Variants in CTNNA2 observed in about 807,000 individuals in gnomAD.
CTNNA2 encodes catenin alpha-2.
A neutral mutation model predicts 101.0 loss-of-function variants in CTNNA2; 42 were observed. The ratio of observed to expected loss-of-function variants is 0.42; its 90% CI spans 0.32 to 0.54. The LOEUF (loss-of-function observed/expected upper bound fraction) is 0.54. CTNNA2 is among the 20% of genes least tolerant of loss of function. The probability of loss-of-function intolerance (pLI) is 0.14; values close to 1 mark genes in which losing one functional copy is unlikely to be tolerated. For missense variants in CTNNA2, 871 were observed against 1,223.1 expected (o/e 0.71, Z 4.29); for synonymous variants, 450 against 456.4 (o/e 0.99, Z 0.18).
chr2:80,552,086 C>T (rs530470639), intron 11 of CTNNA2, among the ~76,000 whole-genome samples: 13 of 152,182 alleles, frequency 8.5e-5, no homozygotes, highest in Middle Eastern at 3.4e-3. Flanking sequence ...AGGCGGAACA[C>T]GCCCGACATT....
intron 2 of CTNNA2, among the ~76,000 whole-genome samples, chr2:79,730,516 T>C (rs1687131212): frequency 6.6e-6 from 1 of 152,018 alleles, no homozygotes; most frequent in African/African-American, 2.4e-5. Context: ...CTTTCAAGTA[T>C]AATTTTCTTC....
intron 2 of CTNNA2, among the ~76,000 whole-genome samples, chr2:79,253,073 G>GA (rs1186580210): frequency 6.6e-6 from 1 of 152,186 alleles, no homozygotes; most frequent in African/African-American, 2.4e-5. Context: ...CAGGTTCTGG[G>GA]AGTGTGGCTT....
At chr2:79,284,409 C>T (rs1234682786) in intron 2 of CTNNA2, among the ~76,000 whole-genome samples, 2 of 143,750 alleles carry the variant, frequency 1.4e-5, no homozygotes, top group African/African-American at 5.2e-5. Context: ...TCATAGATAG[C>T]TCTTATTATT....
intron 2 of CTNNA2, among the ~76,000 whole-genome samples, chr2:79,732,089 A>G (rs1687235278): frequency 6.6e-6 from 1 of 152,088 alleles, no homozygotes; most frequent in African/African-American, 2.4e-5. Flanking sequence ...AATTTACTAA[A>G]GCCATTAACT....
intron 3 of CTNNA2, among the ~76,000 whole-genome samples, chr2:79,357,933 A>G (rs1250331251): frequency 6.6e-6 from 1 of 152,156 alleles, no homozygotes; most frequent in Non-Finnish European, 1.5e-5. Flanking sequence ...CTTTGCTACA[A>G]TCCTAAATCT....
At chr2:79,950,686 A>C (rs1457734636) in intron 7 of CTNNA2, among the ~76,000 whole-genome samples, 7 of 152,218 alleles carry the variant, frequency 4.6e-5, no homozygotes, top group African/African-American at 1.7e-4. Context: ...TATTGAGCTT[A>C]CCAGATTTAT....
At chr2:79,294,314 C>T (rs1374795612) in intron 2 of CTNNA2, among the ~76,000 whole-genome samples, 1 of 151,944 alleles carries the variant, frequency 6.6e-6, no homozygotes, top group East Asian at 1.9e-4. Flanking sequence ...AGGGTGCTAG[C>T]TCTCTCTGGT....
At chr2:79,234,421 G>T (rs1558581864) in intron 2 of CTNNA2, among the ~76,000 whole-genome samples, 1 of 152,124 alleles carries the variant, frequency 6.6e-6, no homozygotes, top group Non-Finnish European at 1.5e-5. Context: ...GCCCGATGGG[G>T]CATTCTTTAT....
chr2:80,460,026 T>A (rs1423153602), intron 9 of CTNNA2, among the ~76,000 whole-genome samples: 1 of 152,190 alleles, frequency 6.6e-6, no homozygotes, highest in Non-Finnish European at 1.5e-5. Context: ...CCCTGACTTC[T>A]CAGATACTTA....
At chr2:80,178,658 C>A (rs1048946450) in intron 7 of CTNNA2, among the ~76,000 whole-genome samples, 2 of 152,108 alleles carry the variant, frequency 1.3e-5, no homozygotes, top group African/African-American at 4.8e-5. Flanking sequence ...TCAGGTCACT[C>A]GAAAAATGGG....
chr2:80,410,289 G>A (rs1451641254), intron 8 of CTNNA2, among the ~76,000 whole-genome samples: 1 of 152,194 alleles, frequency 6.6e-6, no homozygotes, highest in African/African-American at 2.4e-5. Context: ...TCACGACTGT[G>A]TGCTCCCACG....
chr2:80,137,069 G>A (rs1379634390), intron 7 of CTNNA2, among the ~76,000 whole-genome samples: 1 of 152,154 alleles, frequency 6.6e-6, no homozygotes, highest in East Asian at 1.9e-4. Flanking sequence ...AATTGCAACA[G>A]CTGTCAGAAA....
At chr2:79,721,651 A>C (rs184340986) in intron 2 of CTNNA2, among the ~76,000 whole-genome samples, 2 of 152,312 alleles carry the variant, frequency 1.3e-5, no homozygotes, top group East Asian at 1.9e-4. Flanking sequence ...TTATCCCTGA[A>C]TATCATCTAA....
rs557211958 is a variant in CTNNA2, at chr2:79,908,722, C to T, written c.853-872C>T. Among the ~76,000 whole-genome samples, 94 of 152,254 alleles carry T rather than the reference C, an allele frequency of 6.2e-4. 1 individual carries two copies. The highest frequency in any genetic ancestry group is 1.2e-3 in the Admixed American group (19 of 15,292). On this transcript the variant is annotated intron_variant, in intron 6 of 18. Transcript: ENST00000402739. ...CTTCTGTATAGGGGTCTTCTCTGGC[C>T]TGCTCTTCTGGCTCTATTCACTTTA... is the stretch of plus-strand genomic sequence containing the variant.
At chr2:80,309,054 A>C (rs966549880) in intron 7 of CTNNA2, among the ~76,000 whole-genome samples, 2 of 152,084 alleles carry the variant, frequency 1.3e-5, no homozygotes, top group African/African-American at 4.8e-5. Context: ...ACGCCACTGC[A>C]TTCCAGCCTG....
At chr2:79,320,319 G>A (rs960063446) in intron 3 of CTNNA2, among the ~76,000 whole-genome samples, 1 of 139,110 alleles carries the variant, frequency 7.2e-6, no homozygotes, top group Non-Finnish European at 1.5e-5. Flanking sequence ...GTTTCAGAAA[G>A]TGGAGGACTT....
chr2:80,260,213 A>C (rs1672501547), intron 7 of CTNNA2, among the ~76,000 whole-genome samples: 1 of 152,194 alleles, frequency 6.6e-6, no homozygotes, highest in South Asian at 2.1e-4. Flanking sequence ...TCATTGCTAC[A>C]TCCTCAGTAA....
At chr2:79,527,157 A>G (rs1212306518) in intron 1 of CTNNA2, among the ~76,000 whole-genome samples, 1 of 152,158 alleles carries the variant, frequency 6.6e-6, no homozygotes, top group Non-Finnish European at 1.5e-5. Flanking sequence ...AAGAATGATT[A>G]CAGCTTAATA....
chr2:79,673,245 G>C (rs2104595600), intron 2 of CTNNA2, among the ~76,000 whole-genome samples: 1 of 152,082 alleles, frequency 6.6e-6, no homozygotes, highest in East Asian at 1.9e-4. Context: ...TGACTTTATA[G>C]AGCAAAGTTA....
Sources: gnomAD v4.1 joint callset for allele counts (sites outside exome capture counted in the v4.1 genomes callset) on GRCh38, gnomAD v4.1.1 for gene constraint, MANE v1.5 for transcripts, NCBI Gene and HGNC (gene_info 2026-07-23, HGNC 2026-07-21) for gene names.